ESRRB: variants seen among roughly 807,000 people sequenced by gnomAD.
The protein encoded by ESRRB is estrogen related receptor beta.
Under a neutral mutation model 46.0 loss-of-function variants are expected in ESRRB, and 16 were observed. The ratio of observed to expected loss-of-function variants is 0.35; its 90% confidence interval spans 0.24 to 0.53. The LOEUF is 0.53. Among genes scored for constraint, ESRRB ranks in the 20% least tolerant of loss-of-function variants. The pLI, the probability that ESRRB is intolerant of heterozygous loss-of-function variation, is 0.93. For synonymous variants in ESRRB, 246 were observed against 259.6 expected (o/e 0.95, Z 0.50); for missense variants, 488 against 607.4 (o/e 0.80, Z 2.07).
chr14:76,432,193 A>C (rs1320877910), intron 1 of ESRRB, among the ~76,000 whole-genome samples: 1 of 152,000 alleles, frequency 6.6e-6, no homozygotes, highest in African/African-American at 2.4e-5. Flanking sequence ...TGGCTCACAT[A>C]CTTGGGGGCA....
upstream of ESRRB, among the ~76,000 whole-genome samples, chr14:76,367,976 G>A (rs1415961762): frequency 2.7e-4 from 32 of 117,340 alleles, 1 homozygote; most frequent in African/African-American, 7.3e-4. Flanking sequence ...TTTTTGAGAC[G>A]GAGTCTCGCT....
At chr14:76,427,391 A>C (rs903221457) in intron 1 of ESRRB, among the ~76,000 whole-genome samples, 14 of 152,150 alleles carry the variant, frequency 9.2e-5, no homozygotes, top group African/African-American at 3.4e-4. Context: ...GCATGTGCAC[A>C]GAAAGACAGG....
At chr14:76,433,685 A>G (rs1269580718) in intron 1 of ESRRB, among the ~76,000 whole-genome samples, 1 of 152,036 alleles carries the variant, frequency 6.6e-6, no homozygotes, top group Non-Finnish European at 1.5e-5. Context: ...TGCATTCACT[A>G]CTTTCAGCCA....
rs748135186 is a variant in ESRRB at position 76,499,883 on chromosome 14, A to G, written c.*1425A>G. 1.2e-6 allele frequency: 2 copies of G among 1,614,226 alleles called. No homozygotes were observed. Among genetic ancestry groups the G allele is most frequent in the Non-Finnish European group, 1.7e-6 (2 of 1,180,036 alleles). ...CACAGGTTGGCCAAGAGCAGCTTAG[A>G]GGATCTCCCAAGGATGAAAGAATGT... On this transcript the variant is annotated 3_prime_UTR_variant, in exon 7 of 7. Coordinates refer to ENST00000644823, the MANE Select transcript of ESRRB (RefSeq NM_001379180.1).
Position 76,500,524 on chromosome 14 carries a change from C to A in ESRRB, c.*2066C>A. 1 of 685,962 alleles carries A rather than the reference C, an allele frequency of 1.5e-6. No individual in the cohort carries two copies. The highest frequency in any genetic ancestry group is 2.6e-6 in the Non-Finnish European group (1 of 381,086). The allele number at this position is 685,962 out of a possible 1,614,324, so 42.5% of individuals were successfully genotyped here. ...TGAGGTTCTGCTCCGGAGAAACCTT[C>A]ACAGTAGAGACCTTGGGGTGTGTGC... On this transcript the variant is annotated 3_prime_UTR_variant, in exon 7 of 7. Coordinates refer to ENST00000644823, the MANE Select transcript of ESRRB (RefSeq NM_001379180.1).
chr14:76,374,821 T>C (rs8013232), upstream of ESRRB, among the ~76,000 whole-genome samples: 33,718 of 152,018 alleles, frequency 0.22, 4,065 homozygotes, highest in Non-Finnish European at 0.28. Flanking sequence ...GAATCCCACT[T>C]GTTCCTCCAC....
At chr14:76,486,744 T>C (rs1890037712) in intron 5 of ESRRB, among the ~76,000 whole-genome samples, 1 of 152,014 alleles carries the variant, frequency 6.6e-6, no homozygotes, top group Non-Finnish European at 1.5e-5. Context: ...CCGAGAGCCT[T>C]GATGAGGCAG....
chr14:76,457,083 A>T (rs1474034893), intron 2 of ESRRB, among the ~76,000 whole-genome samples: 2 of 152,080 alleles, frequency 1.3e-5, no homozygotes, highest in Middle Eastern at 3.2e-3. Context: ...GCAGCTGTTC[A>T]TGAACAGCTG....
intron 6 of ESRRB, among the ~76,000 whole-genome samples, chr14:76,497,369 T>C (rs1426219125): frequency 6.6e-6 from 1 of 152,148 alleles, no homozygotes; most frequent in East Asian, 1.9e-4. Flanking sequence ...GGTAATGTGC[T>C]GCTTCAGTCA....
At chr14:76,422,016 A>C (rs1458223043) in intron 1 of ESRRB, among the ~76,000 whole-genome samples, 1 of 152,166 alleles carries the variant, frequency 6.6e-6, no homozygotes, top group African/African-American at 2.4e-5. Context: ...TCAGATCAAT[A>C]GTCAAAATGC....
Position 76,462,582 on chromosome 14 carries a change from C to A in ESRRB, c.498C>A (p.Cys166Ter). Reference protein sequence around the residue: ...IEYSCPATNECEITKRRRKSC... With the variant: ...IEYSCPATNE ...ACAGCTGCCCGGCCACCAACGAGTG[C>A]GAGATCACCAAACGGAGGCGCAAGT... Residue 166 changes from cysteine (C) to a stop codon, truncating the protein, a stop_gained, in exon 3 of 7, where the codon TGC (cysteine) becomes TGA (stop). Coordinates refer to ENST00000644823, the MANE Select transcript of ESRRB (RefSeq NM_001379180.1). LOFTEE classifies it high-confidence loss of function. 2 of 1,613,984 alleles carry A rather than the reference C, an allele frequency of 1.2e-6. No homozygotes were observed. The highest frequency in any genetic ancestry group is 2.2e-5 in the South Asian group (2 of 91,082).
At chr14:76,474,223 G>C (rs1416002344) in intron 3 of ESRRB, among the ~76,000 whole-genome samples, 2 of 152,186 alleles carry the variant, frequency 1.3e-5, no homozygotes, top group Non-Finnish European at 2.9e-5. Flanking sequence ...TCTCTTCCAT[G>C]AGGAAGGCAG....
In ESRRB at chr14:76,491,658, G is replaced by A. The variant is rs1890235271; in HGVS notation, c.1062G>A (p.Lys354=). The part of the protein sequence containing the change: ...AILQLVRRYK[K]LKVEKEEFVT... ...TGCAGCTGGTACGCAGGTACAAGAA[G>A]CTCAAGGTGGAGAAGGAGGAGTTTG... Residue 354 remains lysine, a synonymous_variant, in exon 6 of 7, where the codon AAG becomes AAA. Coordinates refer to ENST00000644823, the MANE Select transcript of ESRRB (RefSeq NM_001379180.1). 1.3e-6 allele frequency: 2 copies of A among 1,587,806 alleles called. No homozygotes were observed. The highest frequency in any genetic ancestry group is 1.7e-6 in the Non-Finnish European group (2 of 1,168,878).
chr14:76,388,629 CAG>C (rs1178984898), intron 1 of ESRRB, among the ~76,000 whole-genome samples: 1 of 152,132 alleles, frequency 6.6e-6, no homozygotes. Context: ...AATTGCTGCA[CAG>C]AGTCAGACCT....
At chr14:76,357,983 T>C (rs1884403725) in intron 1 of ESRRB, among the ~76,000 whole-genome samples, 1 of 152,024 alleles carries the variant, frequency 6.6e-6, no homozygotes, top group South Asian at 2.1e-4. Flanking sequence ...TTCTTTAAAA[T>C]AAATTGCCTG....
intron 1 of ESRRB, among the ~76,000 whole-genome samples, chr14:76,420,128 T>A (rs1473592999): frequency 6.6e-6 from 1 of 152,210 alleles, no homozygotes; most frequent in Non-Finnish European, 1.5e-5. Context: ...TTGAGTTACC[T>A]GTGAAACCAG....
chr14:76,398,785 T>C (rs1324090848), intron 1 of ESRRB, among the ~76,000 whole-genome samples: 1 of 152,154 alleles, frequency 6.6e-6, no homozygotes, highest in Non-Finnish European at 1.5e-5. Flanking sequence ...TTTACAAGTG[T>C]TGAAACTGAG....
chr14:76,352,087 T>C (rs1387579669), intron 1 of ESRRB, among the ~76,000 whole-genome samples: 1 of 151,640 alleles, frequency 6.6e-6, no homozygotes, highest in Non-Finnish European at 1.5e-5. Context: ...ACAGAGTAGA[T>C]TTGTTGAATG....
At chr14:76,418,285 A>C (rs1477677443) in intron 1 of ESRRB, among the ~76,000 whole-genome samples, 1 of 152,092 alleles carries the variant, frequency 6.6e-6, no homozygotes, top group Non-Finnish European at 1.5e-5. Flanking sequence ...CTTTTTAATG[A>C]AATTGTTTTT....
Sources: allele counts gnomAD v4.1 joint callset (sites outside exome capture counted in the v4.1 genomes callset), GRCh38; gene constraint gnomAD v4.1.1; transcripts MANE v1.5; gene names NCBI Gene and HGNC (gene_info 2026-07-23, HGNC 2026-07-21).